Variants in CSNK1G2 observed in about 807,000 individuals in gnomAD.
The protein encoded by CSNK1G2 is casein kinase 1 gamma 2, also known as casein kinase I isoform gamma-2.
Under a neutral mutation model 48.0 loss-of-function variants are expected in CSNK1G2, and 11 were observed. The ratio of observed to expected loss-of-function variants is 0.23; its 90% confidence interval spans 0.14 to 0.38. The LOEUF (loss-of-function observed/expected upper bound fraction) is 0.38, where lower values mean the gene tolerates loss of function less well. Ranked by LOEUF, CSNK1G2 falls within the 10% of genes least tolerant of loss-of-function variation. The probability of loss-of-function intolerance (pLI) is 1.00; values close to 1 mark genes in which losing one functional copy is unlikely to be tolerated. For synonymous variants in CSNK1G2, 337 were observed against 254.1 expected, an observed-to-expected ratio of 1.33 and a Z score of -3.10; for missense variants, 446 against 595.5, an observed-to-expected ratio of 0.75 and a Z score of 2.61.
At chr19:1,942,024 T>G (rs546950124) in intron 1 of CSNK1G2, among the ~76,000 whole-genome samples, 1 of 151,916 alleles carries the variant, frequency 6.6e-6, no homozygotes, top group East Asian at 1.9e-4. Flanking sequence ...GTCCTCACTT[T>G]GTGGTCCTAA....
chr19:1,980,008 A>G lies in CSNK1G2; in HGVS notation c.1184A>G (p.Asp395Gly). Residue 395 changes from aspartate to glycine, a missense_variant, in exon 11 of 12, where the codon GAT (aspartate) becomes GGT (glycine). Transcript: ENST00000255641. Reference sequence around the variant, plus strand: ...GCGCCTGCAGAGGTGGAGGTGGCCGATGAAACCAAGTAAGGCTCTGGGGCG... The same window carrying G: ...GCGCCTGCAGAGGTGGAGGTGGCCGGTGAAACCAAGTAAGGCTCTGGGGCG... Reference protein sequence around the residue: ...ITAPAEVEVADETKCCCFFKR... With the variant: ...ITAPAEVEVAGETKCCCFFKR... 6.3e-7 allele frequency: 1 copy of G among 1,578,346 alleles called. No individual in the cohort carries two copies. Among genetic ancestry groups the G allele is most frequent in the African/African-American group, 1.4e-5 (1 of 74,064 alleles).
intron 1 of CSNK1G2, among the ~76,000 whole-genome samples, chr19:1,964,255 G>A (rs568649230): frequency 1.3e-5 from 2 of 151,618 alleles, no homozygotes; most frequent in East Asian, 3.9e-4. Flanking sequence ...ATTGCGCCAT[G>A]GCACTCCTGC....
intron 1 of CSNK1G2, among the ~76,000 whole-genome samples, chr19:1,961,039 G>A (rs757741820): frequency 3.9e-5 from 6 of 152,192 alleles, no homozygotes; most frequent in Non-Finnish European, 8.8e-5. Flanking sequence ...GAGAGGCTTC[G>A]GGCTCCGGTT....
intron 1 of CSNK1G2, among the ~76,000 whole-genome samples, chr19:1,965,773 A>G (rs950622575): frequency 1.3e-5 from 2 of 152,018 alleles, no homozygotes; most frequent in Non-Finnish European, 2.9e-5. Flanking sequence ...TGCTGGGACT[A>G]CAGGCCTGAG....
chr19:1,949,637 G>A (rs1008835713), intron 1 of CSNK1G2, among the ~76,000 whole-genome samples: 1 of 152,192 alleles, frequency 6.6e-6, no homozygotes, highest in Non-Finnish European at 1.5e-5. Context: ...ACTTCTAGCG[G>A]TGGAACCGCT....
intron 2 of CSNK1G2, among the ~76,000 whole-genome samples, chr19:1,976,535 G>GGGGCACTA (rs1411228960): frequency 3.3e-5 from 5 of 152,222 alleles, no homozygotes; most frequent in Non-Finnish European, 7.3e-5. Flanking sequence ...CGCCCAGGAC[G>GGGGCACTA]GGGCACTAGC....
chr19:1,942,889 GC>G, intron 1 of CSNK1G2, among the ~76,000 whole-genome samples: 1 of 152,222 alleles, frequency 6.6e-6, no homozygotes, highest in South Asian at 2.1e-4. Flanking sequence ...TCTGGGCTGG[GC>G]TGACTGATGA....
intron 1 of CSNK1G2, among the ~76,000 whole-genome samples, chr19:1,962,784 C>T (rs554977804): frequency 7.3e-6 from 1 of 136,780 alleles, no homozygotes; most frequent in South Asian, 2.2e-4. Context: ...GGTGGCTCCT[C>T]AAAGATGCAC....
chr19:1,980,553 C>CCT lies in CSNK1G2; in HGVS notation c.*351_*352insTC. ...GAAGTGAGTAGTGTGATCCTGGAGGCCCCCCGGCCTGGCCCCGCCCCGCCA... is the reference window on the plus strand; with the variant it reads ...GAAGTGAGTAGTGTGATCCTGGAGGCCTCCCCCGGCCTGGCCCCGCCCCGCCA... On this transcript the variant is annotated 3_prime_UTR_variant, in exon 12 of 12. Transcript: ENST00000255641. The CCT allele has an allele frequency of 3.2e-6, 1 of 314,062 alleles. No individual in the cohort carries two copies. Among genetic ancestry groups the CCT allele is most frequent in the Non-Finnish European group, 6.0e-6 (1 of 166,440 alleles). 19.5% of individuals were successfully genotyped at this position (314,062 alleles called of 1,614,324 possible).
At chr19:1,953,925 G>T (rs1400552339) in intron 1 of CSNK1G2, 2 of 533,900 alleles carry the variant, frequency 3.7e-6, no homozygotes, top group South Asian at 2.8e-5. Flanking sequence ...GGCGTCTCCG[G>T]TGCAGTCGGC....
At chr19:1,971,438 A>G (rs977237964) in intron 2 of CSNK1G2, among the ~76,000 whole-genome samples, 7 of 152,342 alleles carry the variant, frequency 4.6e-5, no homozygotes, top group African/African-American at 1.7e-4. Flanking sequence ...GCTTTTCCCA[A>G]CAGGAGCTGT....
intron 1 of CSNK1G2, among the ~76,000 whole-genome samples, chr19:1,942,101 T>G (rs571943222): frequency 2.2e-4 from 33 of 152,192 alleles, no homozygotes; most frequent in African/African-American, 7.7e-4. Flanking sequence ...AGGGACCTGT[T>G]GCGGCACTGC....
chr19:1,966,144 T>C (rs2015359198), intron 1 of CSNK1G2, among the ~76,000 whole-genome samples: 1 of 152,180 alleles, frequency 6.6e-6, no homozygotes, highest in Admixed American at 6.5e-5. Flanking sequence ...TCTAGGTGCC[T>C]GTAGGTGCCG....
chr19:1,964,266 C>T (rs2015292508), intron 1 of CSNK1G2, among the ~76,000 whole-genome samples: 1 of 150,848 alleles, frequency 6.6e-6, no homozygotes, highest in South Asian at 2.1e-4. Flanking sequence ...GCACTCCTGC[C>T]TGGGTGACAG....
Position 1,979,959 on chromosome 19 carries a change from G to A in CSNK1G2, c.1135G>A (p.Gly379Ser), listed in dbSNP as rs766366929. Residue 379 changes from glycine (G) to serine (S), a missense_variant, in exon 11 of 12, where the codon GGC (glycine) becomes AGC (serine). Gly to Ser is a moderately conservative substitution (Grantham distance 56). Coordinates refer to ENST00000255641, the MANE Select transcript of CSNK1G2 (RefSeq NM_001319.7). ...GCTGAATGCGGACGACCCCACGGCC[G>A]GCCACTCCAACGCCCCGATCACAGC... ...GELNADDPTA[G>S]HSNAPITAPA... is the part of the protein sequence containing the mutation. 9 of 1,597,028 alleles carry A rather than the reference G, an allele frequency of 5.6e-6. No individual in the cohort carries two copies. In the East Asian group the frequency reaches 1.6e-4, roughly 28 times the overall value.
intron 1 of CSNK1G2, among the ~76,000 whole-genome samples, chr19:1,958,038 C>T (rs771690315): frequency 6.6e-6 from 1 of 152,064 alleles, no homozygotes; most frequent in African/African-American, 2.4e-5. Context: ...GTCCTGACGA[C>T]GGCACTGCCC....
At chr19:1,975,245 T>C in intron 2 of CSNK1G2, 1 of 985,388 alleles carries the variant, frequency 1.0e-6, no homozygotes, top group Non-Finnish European at 1.2e-6. Flanking sequence ...CGCCTGCCCG[T>C]CAGGGAGCCA....
In CSNK1G2 at chr19:1,979,489, C is replaced by T; in HGVS notation, c.854-6C>T. The T allele has an allele frequency of 7.1e-7, 1 of 1,416,476 alleles. No individual in the cohort carries two copies. The highest frequency in any genetic ancestry group is 3.6e-5 in the East Asian group (1 of 27,696). The allele number at this position is 1,416,476 out of a possible 1,614,324, so 87.7% of individuals were successfully genotyped here. A position where few individuals can be genotyped will look rare whatever the true frequency, so the allele number is the denominator to read the frequency against. The stretch of plus-strand genomic sequence containing the variant: ...CGCCGAGGCCCCGCTGGCGCTCTCT[C>T]TGCAGAGGAGATGGCCACGTACCTG... On this transcript the variant is annotated splice_region_variant and splice_polypyrimidine_tract_variant and intron_variant, in intron 8 of 11. Coordinates refer to ENST00000255641, the MANE Select transcript of CSNK1G2 (RefSeq NM_001319.7).
rs367882144 is a variant in CSNK1G2 at position 1,953,829 on chromosome 19, C to G, written c.-266+12411C>G. 5 of 529,020 alleles carry G rather than the reference C, an allele frequency of 9.5e-6. No individual in the cohort carries two copies. The African/African-American group carries it at 9.6e-5, about 10-fold the overall frequency. 32.8% of individuals were successfully genotyped at this position (529,020 alleles called of 1,614,324 possible). A position where few individuals can be genotyped will look rare whatever the true frequency, so the allele number is the denominator to read the frequency against. ...CTGTACCGCGATCACCTGTGGCCCTCCTGTGTTCTTTACCTGGACTCTTGC... is the reference window on the plus strand; with the variant it reads ...CTGTACCGCGATCACCTGTGGCCCTGCTGTGTTCTTTACCTGGACTCTTGC... On this transcript the variant is annotated intron_variant, in intron 1 of 11. Transcript: ENST00000255641.
Sources: allele counts gnomAD v4.1 joint callset (sites outside exome capture counted in the v4.1 genomes callset), GRCh38; gene constraint gnomAD v4.1.1; transcripts MANE v1.5; gene names NCBI Gene and HGNC (gene_info 2026-07-23, HGNC 2026-07-21).